The following FHIT variants were observed in gnomAD, a reference collection of about 807,000 sequenced individuals.
FHIT encodes the protein fragile histidine triad diadenosine triphosphatase, also known as bis(5'-adenosyl)-triphosphatase.
In FHIT, 19 loss-of-function variants were observed where a neutral mutation model predicts 17.9. The observed-to-expected ratio is 1.06, with a 90% CI of 0.74 to 1.56. The LOEUF is 1.56. FHIT is among the 40% of genes most tolerant of loss of function. The probability of loss-of-function intolerance (pLI) is 0.00; values close to 1 mark genes in which losing one functional copy is unlikely to be tolerated. For synonymous variants in FHIT, 81 were observed against 69.7 expected, an observed-to-expected ratio of 1.16 and a Z score of -0.81; for missense variants, 248 against 189.2, an observed-to-expected ratio of 1.31 and a Z score of -1.82.
At chr3:60,963,951 C>G (rs1553782122) in intron 3 of FHIT, among the ~76,000 whole-genome samples, 1 of 152,074 alleles carries the variant, frequency 6.6e-6, no homozygotes, top group Non-Finnish European at 1.5e-5. Context: ...TTAGGTCCAC[C>G]TGCTGCAGAG....
chr3:60,571,363 A>AAAAAAAAG (rs2037376968), intron 4 of FHIT, among the ~76,000 whole-genome samples: 5 of 139,292 alleles, frequency 3.6e-5, no homozygotes, highest in African/African-American at 1.3e-4. Context: ...AAAAAAAAAA[A>AAAAAAAAG]GAACAATGAA....
At chr3:60,526,759 A>C (rs1392269607) in intron 5 of FHIT, among the ~76,000 whole-genome samples, 1 of 152,166 alleles carries the variant, frequency 6.6e-6, no homozygotes, top group African/African-American at 2.4e-5. Context: ...CTGCACTCCC[A>C]GATCATGACA....
At chr3:61,179,501 G>A (rs1219773118) in intron 2 of FHIT, among the ~76,000 whole-genome samples, 1 of 151,756 alleles carries the variant, frequency 6.6e-6, no homozygotes, top group East Asian at 1.9e-4. Flanking sequence ...TCGAGGGCAG[G>A]GGTTCAAGAC....
chr3:60,272,262 T>C (rs1706899801), intron 5 of FHIT, among the ~76,000 whole-genome samples: 1 of 152,196 alleles, frequency 6.6e-6, no homozygotes, highest in South Asian at 2.1e-4. Context: ...TTAACAAGTA[T>C]GTCTAGAAAT....
Position 60,225,988 on chromosome 3 carries a change from T to G in FHIT, c.104-211836A>C, listed in dbSNP as rs575894458. Among the ~76,000 whole-genome samples the G allele has an allele frequency of 1.2e-3, 180 of 152,300 alleles. 1 individual carries two copies. Among genetic ancestry groups the G allele is most frequent in the Admixed American group, 4.5e-3 (69 of 15,290 alleles). ...AGGGACCCAGTGAGGCTGGGCGCTC[T>G]GTTTATAAAACATAATACGAATCAT... On this transcript the variant is annotated intron_variant, in intron 5 of 9. Coordinates refer to ENST00000492590, the MANE Select transcript of FHIT (RefSeq NM_002012.4).
intron 5 of FHIT, among the ~76,000 whole-genome samples, chr3:60,117,773 T>C (rs952087404): frequency 2.0e-5 from 3 of 151,560 alleles, no homozygotes; most frequent in Admixed American, 6.6e-5. Context: ...GTTAAGAAGA[T>C]GTAGGACTAT....
intron 8 of FHIT, among the ~76,000 whole-genome samples, chr3:59,787,121 A>T (rs1699339463): frequency 1.3e-5 from 2 of 152,218 alleles, no homozygotes; most frequent in South Asian, 4.1e-4. Context: ...ACCTCATAAC[A>T]TGCTATATCA....
intron 5 of FHIT, among the ~76,000 whole-genome samples, chr3:60,326,449 C>T (rs1193479585): frequency 2.7e-5 from 4 of 146,472 alleles, no homozygotes; most frequent in African/African-American, 5.1e-5. Flanking sequence ...CTAATCCTGC[C>T]GCTAATCTCA....
intron 4 of FHIT, among the ~76,000 whole-genome samples, chr3:60,645,288 C>T (rs1577020219): frequency 6.6e-6 from 1 of 152,120 alleles, no homozygotes; most frequent in East Asian, 1.9e-4. Context: ...AGGAGCATTC[C>T]TACCCTACCA....
At chr3:60,840,608 T>C (rs1310902320) in intron 3 of FHIT, among the ~76,000 whole-genome samples, 1 of 152,218 alleles carries the variant, frequency 6.6e-6, no homozygotes, top group Non-Finnish European at 1.5e-5. Flanking sequence ...GTAAAGAGTG[T>C]CTGTGTTTAT....
At chr3:61,169,311 T>A (rs1267152580) in intron 2 of FHIT, among the ~76,000 whole-genome samples, 1 of 152,222 alleles carries the variant, frequency 6.6e-6, no homozygotes, top group Non-Finnish European at 1.5e-5. Flanking sequence ...ATCTTAACTC[T>A]CTTTTAGTCC....
Position 60,438,141 on chromosome 3 carries a change from G to A in FHIT, c.103+98719C>T, listed in dbSNP as rs151142530. 5.2e-3 allele frequency among the ~76,000 whole-genome samples: 788 copies of A among 151,988 alleles called. 11 individuals are homozygous for A. Among genetic ancestry groups the A allele is most frequent in the Middle Eastern group, 0.017 (5 of 294 alleles). On this transcript the variant is annotated intron_variant, in intron 5 of 9. Transcript: ENST00000492590. ...AACAATAAGCCCCAGCATTTGCACCGTAGTCCAGCTCACTCAAGCAAAGCT... is the reference window on the plus strand; with the variant it reads ...AACAATAAGCCCCAGCATTTGCACCATAGTCCAGCTCACTCAAGCAAAGCT...
At chr3:60,614,814 T>G (rs1254272712) in intron 4 of FHIT, among the ~76,000 whole-genome samples, 3 of 65,376 alleles carry the variant, frequency 4.6e-5, no homozygotes, top group Non-Finnish European at 6.6e-5. Context: ...AAGTTGTTTT[T>G]TTTTTGTTTT....
chr3:60,793,459 C>T (rs55881566), intron 4 of FHIT, among the ~76,000 whole-genome samples: 29,175 of 152,044 alleles, frequency 0.19, 3,833 homozygotes, highest in African/African-American at 0.38. Context: ...CCTGCTACCA[C>T]GCCCAGCTAA....
intron 3 of FHIT, among the ~76,000 whole-genome samples, chr3:60,826,516 G>A (rs1321973899): frequency 6.6e-6 from 1 of 152,134 alleles, no homozygotes; most frequent in Non-Finnish European, 1.5e-5. Context: ...AGTAGAGACG[G>A]GGTTTCTCCA....
intron 5 of FHIT, among the ~76,000 whole-genome samples, chr3:60,045,578 TTA>T (rs1352469719): frequency 1.3e-5 from 2 of 152,104 alleles, no homozygotes; most frequent in African/African-American, 4.8e-5. Flanking sequence ...ATGATAAATT[TTA>T]TGTTTTTTTA....
chr3:60,751,109 C>T (rs1407786625), intron 4 of FHIT, among the ~76,000 whole-genome samples: 5 of 152,214 alleles, frequency 3.3e-5, no homozygotes, highest in Non-Finnish European at 4.4e-5. Context: ...GACCCTTTCT[C>T]ACCAACCAGG....
chr3:59,788,776 G>T (rs1699417302), intron 8 of FHIT, among the ~76,000 whole-genome samples: 1 of 151,760 alleles, frequency 6.6e-6, no homozygotes, highest in Non-Finnish European at 1.5e-5. Context: ...TATTGATGAG[G>T]TACAAGAAAG....
chr3:60,446,717 C>T (rs1292624862), intron 5 of FHIT, among the ~76,000 whole-genome samples: 2 of 151,904 alleles, frequency 1.3e-5, no homozygotes, highest in Non-Finnish European at 2.9e-5. Context: ...GCCAGGTATG[C>T]TCATGCACAC....
Sources: gnomAD v4.1 joint callset for allele counts (sites outside exome capture counted in the v4.1 genomes callset) on GRCh38, gnomAD v4.1.1 for gene constraint, MANE v1.5 for transcripts, NCBI Gene and HGNC (gene_info 2026-07-23, HGNC 2026-07-21) for gene names.